Variants in EPB41L3 observed in about 807,000 individuals in gnomAD.
EPB41L3 encodes the protein erythrocyte membrane protein band 4.1 like 3.
In EPB41L3, 57 loss-of-function variants were observed where a neutral mutation model predicts 127.1. The observed-to-expected ratio is 0.45, with a 90% confidence interval of 0.36 to 0.56. The LOEUF is 0.56. Ranked by LOEUF, EPB41L3 falls within the 20% of genes least tolerant of loss-of-function variation. EPB41L3 has a pLI of 0.00. For synonymous variants in EPB41L3, 572 were observed against 549.5 expected (o/e 1.04, Z -0.57); for missense variants, 1,273 against 1,372.2 (o/e 0.93, Z 1.14).
chr18:5,589,984 G>A (rs912912998), intron 3 of EPB41L3, among the ~76,000 whole-genome samples: 5 of 152,170 alleles, frequency 3.3e-5, no homozygotes, highest in African/African-American at 1.2e-4. Context: ...AAATTAAAAG[G>A]AGCAATTTCC....
intron 3 of EPB41L3, among the ~76,000 whole-genome samples, chr18:5,556,077 G>A (rs1488560041): frequency 1.3e-5 from 2 of 152,134 alleles, no homozygotes; most frequent in African/African-American, 4.8e-5. Context: ...TCACCACTGT[G>A]TCCCCAACCT....
chr18:5,500,115 G>C (rs1431472301), intron 1 of EPB41L3, among the ~76,000 whole-genome samples: 1 of 152,054 alleles, frequency 6.6e-6, no homozygotes, highest in East Asian at 1.9e-4. Context: ...TTATTAGTGG[G>C]AAACCTCAAA....
chr18:5,419,971 G>T (rs201005923), intron 11 of EPB41L3, 94 bp from the exon 12 acceptor site: 43 of 1,597,786 alleles, frequency 2.7e-5, no homozygotes, highest in Non-Finnish European at 3.7e-5. Context: ...ATCCAAAATA[G>T]TTAGGTCAGA....
chr18:5,406,025 G>A (rs934435286), intron 16 of EPB41L3, among the ~76,000 whole-genome samples: 11 of 152,024 alleles, frequency 7.2e-5, no homozygotes, highest in African/African-American at 2.2e-4. Context: ...CTGGAGTTTG[G>A]TCTTAAGTGG....
chr18:5,585,068 C>T (rs1010662038), intron 3 of EPB41L3, among the ~76,000 whole-genome samples: 1 of 152,096 alleles, frequency 6.6e-6, no homozygotes, highest in Non-Finnish European at 1.5e-5. Flanking sequence ...AGAAAGAAGA[C>T]TCAGAAACTG....
In EPB41L3 at chr18:5,530,905, G is replaced by C. The variant is rs547785026; in HGVS notation, c.-12+13008C>G. ...AAAAATGGGCGGTGACATTCATTTT[G>C]CTGGGTGCCTGGGTAGTGCTGGAAA... On this transcript the variant is annotated intron_variant, in intron 1 of 22. Transcript: ENST00000341928. 4.6e-5 allele frequency among the ~76,000 whole-genome samples: 7 copies of C among 152,304 alleles called. No individual in the cohort carries two copies. In the East Asian group the frequency reaches 1.4e-3, roughly 29 times the overall value.
chr18:5,544,033 G>A, upstream of EPB41L3: 1 of 985,504 alleles, frequency 1.0e-6, no homozygotes, highest in Non-Finnish European at 1.2e-6. Flanking sequence ...AGGGCTGCTC[G>A]CCGCTGTTCC....
intron 1 of EPB41L3, among the ~76,000 whole-genome samples, chr18:5,506,395 C>A (rs2092205026): frequency 6.6e-6 from 1 of 152,182 alleles, no homozygotes; most frequent in South Asian, 2.1e-4. Context: ...ACTCCTCCCA[C>A]CCGAGGCCTC....
chr18:5,534,413 T>C (rs1162390498), intron 1 of EPB41L3, among the ~76,000 whole-genome samples: 1 of 152,216 alleles, frequency 6.6e-6, no homozygotes, highest in East Asian at 1.9e-4. Flanking sequence ...AAAGTACTTG[T>C]CGGGACATAA....
chr18:5,590,486 A>G (rs1205945822), intron 3 of EPB41L3, among the ~76,000 whole-genome samples: 1 of 152,156 alleles, frequency 6.6e-6, no homozygotes, highest in African/African-American at 2.4e-5. Context: ...CAAATTTGGC[A>G]GTTTCTTACA....
chr18:5,630,214 A>C (rs2094977900), upstream of EPB41L3, among the ~76,000 whole-genome samples: 1 of 151,840 alleles, frequency 6.6e-6, no homozygotes, highest in African/African-American at 2.4e-5. Context: ...CTCCGGGCGG[A>C]CCCGGCCAGG....
intron 3 of EPB41L3, among the ~76,000 whole-genome samples, chr18:5,590,697 T>A (rs2094477759): frequency 6.6e-6 from 1 of 152,190 alleles, no homozygotes; most frequent in African/African-American, 2.4e-5. Flanking sequence ...CTTCAGTATA[T>A]GCCTATAATG....
intron 12 of EPB41L3, among the ~76,000 whole-genome samples, chr18:5,418,902 T>C (rs567465626): frequency 6.6e-6 from 1 of 152,218 alleles, no homozygotes; most frequent in Admixed American, 6.5e-5. Flanking sequence ...TGGGTTATTA[T>C]GAGCATTTTC....
intron 3 of EPB41L3, among the ~76,000 whole-genome samples, chr18:5,608,801 T>C (rs2094692981): frequency 6.6e-6 from 1 of 152,076 alleles, no homozygotes. Flanking sequence ...CAAAGGGAGA[T>C]TTTTAGATGT....
At chr18:5,545,497 T>C (rs1427926635), upstream of EPB41L3, among the ~76,000 whole-genome samples, 2 of 152,116 alleles carry the variant, frequency 1.3e-5, no homozygotes, top group African/African-American at 2.4e-5. Context: ...GGTTTTTTCA[T>C]GTTGAAGAGG....
intron 3 of EPB41L3, among the ~76,000 whole-genome samples, chr18:5,561,982 A>G (rs927990890): frequency 2.6e-5 from 4 of 152,232 alleles, no homozygotes; most frequent in African/African-American, 9.6e-5. Context: ...AAAGTGTCAA[A>G]GTCATGAAAG....
intron 3 of EPB41L3, among the ~76,000 whole-genome samples, chr18:5,574,490 T>C (rs774124646): frequency 1.3e-5 from 2 of 151,978 alleles, no homozygotes; most frequent in Non-Finnish European, 2.9e-5. Context: ...TTTTTTTAAG[T>C]GTAATCTTCC....
In EPB41L3 at chr18:5,407,049, A is replaced by T. The variant is rs1477678686; in HGVS notation, c.2158-81T>A. ...CAGCTCTTTTGTTTGCTTTAAAAGT[A>T]ATGTCAATCTTATTAGTAGTCAAAA... On this transcript the variant is annotated intron_variant, in intron 15 of 22. Transcript: ENST00000341928. The T allele has an allele frequency of 1.8e-4, 245 of 1,356,810 alleles. 1 individual carries two copies. In the East Asian group the frequency reaches 5.6e-3, roughly 31 times the overall value. 84.0% of individuals were successfully genotyped at this position (1,356,810 alleles called of 1,614,324 possible). A position where few individuals can be genotyped will look rare whatever the true frequency, so the allele number is the denominator to read the frequency against.
intron 3 of EPB41L3, among the ~76,000 whole-genome samples, chr18:5,477,172 G>A (rs1197511897): frequency 1.3e-5 from 2 of 152,188 alleles, no homozygotes; most frequent in African/African-American, 2.4e-5. Context: ...AACATAACAG[G>A]AATGATATGG....
Sources: allele counts gnomAD v4.1 joint callset (sites outside exome capture counted in the v4.1 genomes callset), GRCh38; gene constraint gnomAD v4.1.1; transcripts MANE v1.5; gene names NCBI Gene and HGNC (gene_info 2026-07-23, HGNC 2026-07-21).